Variants in ABCB5 observed in about 807,000 individuals in gnomAD.
ABCB5 encodes ATP binding cassette subfamily B member 5.
Under a neutral mutation model 144.2 loss-of-function variants are expected in ABCB5, and 155 were observed. The ratio of observed to expected loss-of-function variants is 1.08; its 90% CI spans 0.94 to 1.23. The LOEUF (loss-of-function observed/expected upper bound fraction) is 1.23, where lower values mean the gene tolerates loss of function less well. Ranked by LOEUF, ABCB5 falls within the 50% of genes most tolerant of loss-of-function variation. The pLI is 0.00. For missense variants in ABCB5, 1,830 were observed against 1,520.8 expected, an observed-to-expected ratio of 1.20 and a Z score of -3.38; for synonymous variants, 610 against 528.6, an observed-to-expected ratio of 1.15 and a Z score of -2.11.
chr7:20,682,571 G>C (rs1307280715), intron 15 of ABCB5, among the ~76,000 whole-genome samples: 1 of 152,192 alleles, frequency 6.6e-6, no homozygotes, highest in Non-Finnish European at 1.5e-5. Flanking sequence ...GTACTTATGA[G>C]TGTTGAGGGT....
chr7:20,705,356 A>G (rs1315879789), intron 20 of ABCB5, among the ~76,000 whole-genome samples: 3 of 152,224 alleles, frequency 2.0e-5, no homozygotes, highest in Non-Finnish European at 4.4e-5. Flanking sequence ...GACCAGCATA[A>G]TATGTATCAA....
At chr7:20,651,986 C>T (rs751342664) in intron 13 of ABCB5, among the ~76,000 whole-genome samples, 1 of 151,862 alleles carries the variant, frequency 6.6e-6, no homozygotes, top group Non-Finnish European at 1.5e-5. Flanking sequence ...TGCATAGTAA[C>T]AACCAAAAGA....
At chr7:20,635,842 G>A (rs571092338) in intron 5 of ABCB5, among the ~76,000 whole-genome samples, 2 of 152,172 alleles carry the variant, frequency 1.3e-5, no homozygotes, top group South Asian at 2.1e-4. Flanking sequence ...CATATCATCA[G>A]CAAATAAATA....
intron 13 of ABCB5, among the ~76,000 whole-genome samples, chr7:20,654,757 A>G (rs1252474860): frequency 2.0e-5 from 3 of 152,188 alleles, no homozygotes; most frequent in African/African-American, 7.2e-5. Flanking sequence ...AAGAAAAATG[A>G]AAAACTATTC....
At chr7:20,742,301 G>T (rs919967591) in intron 24 of ABCB5, among the ~76,000 whole-genome samples, 1 of 151,082 alleles carries the variant, frequency 6.6e-6, no homozygotes, top group Non-Finnish European at 1.5e-5. Context: ...TTGAGCCTGG[G>T]AAGTGGAAGT....
At chr7:20,662,081 T>A (rs1785021444) in intron 14 of ABCB5, among the ~76,000 whole-genome samples, 1 of 152,170 alleles carries the variant, frequency 6.6e-6, no homozygotes, top group South Asian at 2.1e-4. Flanking sequence ...CCCACACTGA[T>A]TCTGTGATAA....
rs1179485690 is a variant in ABCB5, at chr7:20,650,137, A to G, written c.1322A>G (p.Asp441Gly). The G allele has an allele frequency of 6.8e-6, 11 of 1,613,400 alleles. 1 individual carries two copies. In the Admixed American group the frequency reaches 1.8e-4, roughly 27 times the overall value. ...CTTCTGCAGAGGTTATATGATCCGG[A>G]TGATGGCTTTGTAAGTGCAGCTAGC... ...VQLLQRLYDP[D>G]DGFIMVDEND... The change falls in exon 12 of 28, where the codon GAT becomes GGT. Residue 441 changes from aspartate to glycine, a missense_variant. Transcript: ENST00000404938.
rs900436929 is a variant in ABCB5, at chr7:20,659,614, T to C, written c.1707+938T>C. 2.4e-5 allele frequency: 24 copies of C among 990,826 alleles called. No homozygotes were observed. In the African/African-American group the frequency reaches 3.5e-4, roughly 14 times the overall value. The allele number at this position is 990,826 out of a possible 1,614,324, so 61.4% of individuals were successfully genotyped here. ...TGTGTGATAAATAATCTTTGTTTAC[T>C]GTGGACACTTCGGCAATTTGGTTCA... On this transcript the variant is annotated intron_variant, in intron 14 of 27. Transcript: ENST00000404938.
rs1226234155 is a variant in ABCB5, at chr7:20,711,591, AGCTGGGACTCTGG to A, written c.2421+6787_2421+6799del. On this transcript the variant is annotated intron_variant, in intron 20 of 27. Coordinates refer to ENST00000404938, the MANE Select transcript of ABCB5 (RefSeq NM_001163941.2). The stretch of plus-strand genomic sequence containing the variant: ...ATCCTCCCACTTCAGCCTCCTGAGT[AGCTGGGACTCTGG>A]GCACATGCCACCATGTCCAGTTAAT... 1.4e-5 allele frequency among the ~76,000 whole-genome samples: 2 copies of A among 147,822 alleles called. 1 individual carries two copies. Among genetic ancestry groups the A allele is most frequent in the Non-Finnish European group, 3.0e-5 (2 of 66,872 alleles).
chr7:20,749,685 C>T (rs1782856417), intron 26 of ABCB5, among the ~76,000 whole-genome samples: 1 of 152,102 alleles, frequency 6.6e-6, no homozygotes, highest in Admixed American at 6.5e-5. Flanking sequence ...CAGATCAACA[C>T]ATACAAATAA....
At chr7:20,621,978 T>C (rs566103911) in intron 1 of ABCB5, among the ~76,000 whole-genome samples, 1 of 152,232 alleles carries the variant, frequency 6.6e-6, no homozygotes, top group South Asian at 2.1e-4. Flanking sequence ...GCTCATACTG[T>C]TTCCCAAGTG....
chr7:20,659,595 A>G, intron 14 of ABCB5: 1 of 993,302 alleles, frequency 1.0e-6, no homozygotes, highest in Non-Finnish European at 1.2e-6. Context: ...TGCTTGTGTG[A>G]TAAATAATCT....
intron 5 of ABCB5, 60 bp downstream of exon 5, chr7:20,632,173 C>A: frequency 3.2e-6 from 4 of 1,241,954 alleles, no homozygotes; most frequent in South Asian, 1.6e-5. Flanking sequence ...TTAAAGCTTA[C>A]AAGAAAAAAG....
chr7:20,671,462 T>A (rs989147440), intron 14 of ABCB5, among the ~76,000 whole-genome samples: 1 of 152,226 alleles, frequency 6.6e-6, no homozygotes, highest in African/African-American at 2.4e-5. Context: ...CATTTCACCC[T>A]GACCCTCTCC....
intron 5 of ABCB5, among the ~76,000 whole-genome samples, chr7:20,642,865 G>A (rs1001604845): frequency 3.9e-5 from 6 of 151,964 alleles, no homozygotes; most frequent in African/African-American, 1.5e-4. Context: ...TTACCCTCCA[G>A]TTCCACCTAC....
intron 26 of ABCB5, among the ~76,000 whole-genome samples, chr7:20,747,136 T>A (rs1782748571): frequency 6.6e-6 from 1 of 152,260 alleles, no homozygotes; most frequent in South Asian, 2.1e-4. Context: ...GTGAATGTCT[T>A]TTAATGGCAA....
Position 20,700,057 on chromosome 7 carries a change from G to A in ABCB5, c.2260-1G>A, listed in dbSNP as rs1786563455. ...TAGATTTTTGTTTGTTTGCTTTTCA[G>A]GGATTATTTTACGGCAGAGCAGGGG... On this transcript the variant is annotated splice_acceptor_variant, in intron 18 of 27. Coordinates refer to ENST00000404938, the MANE Select transcript of ABCB5 (RefSeq NM_001163941.2). LOFTEE classifies it high-confidence loss of function. The A allele has an allele frequency of 2.5e-6, 4 of 1,613,224 alleles. No homozygotes were observed. The highest frequency in any genetic ancestry group is 1.7e-5 in the Admixed American group (1 of 59,906).
chr7:20,712,028 A>G (rs1190384596), intron 20 of ABCB5, among the ~76,000 whole-genome samples: 4 of 144,440 alleles, frequency 2.8e-5, no homozygotes, highest in Non-Finnish European at 6.1e-5. Flanking sequence ...CCACGAGGTC[A>G]GGAGATTGAA....
chr7:20,745,895 C>T (rs886641742), intron 26 of ABCB5, among the ~76,000 whole-genome samples: 1 of 152,224 alleles, frequency 6.6e-6, no homozygotes, highest in Non-Finnish European at 1.5e-5. Context: ...CCACACACCC[C>T]ATGGGGAGGG....
Sources: allele counts gnomAD v4.1 joint callset (sites outside exome capture counted in the v4.1 genomes callset), GRCh38; gene constraint gnomAD v4.1.1; transcripts MANE v1.5; gene names NCBI Gene and HGNC (gene_info 2026-07-23, HGNC 2026-07-21).